XKR4: variants seen among roughly 807,000 people sequenced by gnomAD.
XKR4 encodes the protein XK related 4.
XKR4 carries 12 observed loss-of-function variants against 53.9 expected under a neutral mutation model. The observed-to-expected ratio is 0.22, with a 90% CI of 0.14 to 0.36. XKR4 has a LOEUF of 0.36. Among genes scored for constraint, XKR4 ranks in the 10% least tolerant of loss-of-function variants. The probability of loss-of-function intolerance (pLI) is 1.00; values close to 1 mark genes in which losing one functional copy is unlikely to be tolerated. For missense variants in XKR4, 799 were observed against 859.5 expected (o/e 0.93, Z 0.88); for synonymous variants, 354 against 362.4 (o/e 0.98, Z 0.26).
intron 2 of XKR4, chr8:55,450,333 C>T: frequency 1.4e-6 from 1 of 723,198 alleles, no homozygotes; most frequent in Non-Finnish European, 2.3e-6. Context: ...AGAAGTCCTA[C>T]ACTTTCAGGT....
intron 2 of XKR4, among the ~76,000 whole-genome samples, chr8:55,430,149 G>A (rs982522366): frequency 3.3e-5 from 5 of 152,158 alleles, no homozygotes; most frequent in African/African-American, 1.2e-4. Context: ...TCAAATGCTG[G>A]TGAGGATGCA....
At chr8:55,171,979 C>T (rs189566534) in intron 1 of XKR4, among the ~76,000 whole-genome samples, 12 of 152,176 alleles carry the variant, frequency 7.9e-5, no homozygotes, top group African/African-American at 2.7e-4. Flanking sequence ...CTTCCCTGGC[C>T]GAGGCAGGCA....
rs745961938 is a variant in XKR4, at chr8:55,524,160, C to T, written c.1886C>T (p.Pro629Leu). Residue 629 changes from proline (P) to leucine (L), a missense_variant, in exon 3 of 3, where the codon CCT becomes CTT. Around this residue, in one of 3 missense-constraint regions of XKR4, gnomAD observed 269 missense variants for 264.4 expected, o/e 1.02. Transcript: ENST00000327381. ...TTAGCTTTTGAATGTTCCCCATCTC[C>T]TCCAAGGCTGCAGTACAAAGATGAT... ...AILAFECSPS[P>L]PRLQYKDDAL... 2 of 1,614,228 alleles carry T rather than the reference C, an allele frequency of 1.2e-6. No individual in the cohort carries two copies. The highest frequency in any genetic ancestry group is 8.5e-7 in the Non-Finnish European group (1 of 1,180,042).
chr8:55,431,753 C>T (rs576994484), intron 2 of XKR4, among the ~76,000 whole-genome samples: 25 of 152,330 alleles, frequency 1.6e-4, no homozygotes, highest in Non-Finnish European at 3.1e-4. Flanking sequence ...TCATCCGATA[C>T]TACCTTCTGT....
chr8:55,520,015 T>G (rs1429107234), intron 2 of XKR4, among the ~76,000 whole-genome samples: 1 of 152,146 alleles, frequency 6.6e-6, no homozygotes, highest in Non-Finnish European at 1.5e-5. Context: ...GCTAAAGGAG[T>G]GCTCAGAGTC....
chr8:55,217,866 C>T (rs969344493), intron 1 of XKR4, among the ~76,000 whole-genome samples: 5 of 152,152 alleles, frequency 3.3e-5, no homozygotes, highest in Middle Eastern at 3.2e-3. Flanking sequence ...ATGGTAGTTA[C>T]TTCTAATGGG....
At chr8:55,327,376 T>G (rs1174945970) in intron 1 of XKR4, among the ~76,000 whole-genome samples, 2 of 152,150 alleles carry the variant, frequency 1.3e-5, no homozygotes, top group Non-Finnish European at 2.9e-5. Flanking sequence ...ACTTTTTGTT[T>G]GGATGGCATC....
chr8:55,164,671 A>G (rs1585914512), intron 1 of XKR4: 5 of 316,408 alleles, frequency 1.6e-5, no homozygotes, highest in East Asian at 7.8e-5. Context: ...TACAGGGGGA[A>G]AGAGACCAAG....
intron 1 of XKR4, among the ~76,000 whole-genome samples, chr8:55,354,272 G>A (rs923268416): frequency 6.6e-6 from 1 of 152,118 alleles, no homozygotes; most frequent in Non-Finnish European, 1.5e-5. Context: ...TCCAATGCAG[G>A]GGTGAGTCCA....
At chr8:55,329,042 A>G (rs894532702) in intron 1 of XKR4, among the ~76,000 whole-genome samples, 3 of 152,196 alleles carry the variant, frequency 2.0e-5, no homozygotes, top group Non-Finnish European at 4.4e-5. Context: ...AGTTCCTGGA[A>G]CAAGGTGGCC....
chr8:55,140,799 T>C (rs1816691826), intron 1 of XKR4, among the ~76,000 whole-genome samples: 1 of 152,176 alleles, frequency 6.6e-6, no homozygotes, highest in African/African-American at 2.4e-5. Context: ...GAAGGGCGCC[T>C]TGCCCATCAA....
At chr8:55,300,274 T>A (rs1350642988) in intron 1 of XKR4, among the ~76,000 whole-genome samples, 2 of 152,106 alleles carry the variant, frequency 1.3e-5, no homozygotes, top group Non-Finnish European at 2.9e-5. Flanking sequence ...AAGATGAGTG[T>A]TGGGACCTGG....
intron 1 of XKR4, among the ~76,000 whole-genome samples, chr8:55,311,038 G>A (rs1024394815): frequency 6.6e-6 from 1 of 152,142 alleles, no homozygotes; most frequent in Non-Finnish European, 1.5e-5. Context: ...GAATTCCCAG[G>A]CACTACCTGC....
intron 1 of XKR4, among the ~76,000 whole-genome samples, chr8:55,132,470 TTAAA>T (rs1326343479): frequency 6.6e-6 from 1 of 152,126 alleles, no homozygotes; most frequent in African/African-American, 2.4e-5. Flanking sequence ...TAACTAAAAA[TTAAA>T]TAAAACATTT....
intron 1 of XKR4, among the ~76,000 whole-genome samples, chr8:55,193,627 C>T (rs921783864): frequency 1.3e-5 from 2 of 152,186 alleles, no homozygotes; most frequent in African/African-American, 4.8e-5. Context: ...TCCCCACTGT[C>T]GGGGTTAACA....
intron 1 of XKR4, among the ~76,000 whole-genome samples, chr8:55,256,726 A>G (rs1416071272): frequency 6.6e-6 from 1 of 152,198 alleles, no homozygotes; most frequent in Non-Finnish European, 1.5e-5. Flanking sequence ...GGTAAGATTT[A>G]AAATAGAGTC....
At chr8:55,382,409 T>G (rs1178992104) in intron 2 of XKR4, among the ~76,000 whole-genome samples, 1 of 152,224 alleles carries the variant, frequency 6.6e-6, no homozygotes, top group Non-Finnish European at 1.5e-5. Flanking sequence ...GAATAAAATA[T>G]GATACTGAAT....
At chr8:55,522,219 T>C (rs1324470523) in intron 2 of XKR4, among the ~76,000 whole-genome samples, 1 of 152,280 alleles carries the variant, frequency 6.6e-6, no homozygotes, top group Admixed American at 6.5e-5. Context: ...ACTTTTAACA[T>C]TTGGAAGCCT....
intron 1 of XKR4, among the ~76,000 whole-genome samples, chr8:55,254,412 C>T (rs528363455): frequency 5.3e-4 from 81 of 152,146 alleles, no homozygotes; most frequent in East Asian, 3.1e-3. Context: ...ATGGATTGGG[C>T]GTGTGGCAGT....
Sources: gnomAD v4.1 joint callset for allele counts (sites outside exome capture counted in the v4.1 genomes callset) on GRCh38, gnomAD v4.1.1 for gene constraint, gnomAD v4.1.1 regional missense constraint, MANE v1.5 for transcripts, NCBI Gene and HGNC (gene_info 2026-07-23, HGNC 2026-07-21) for gene names.